Variants in RIC3 observed in about 807,000 individuals in gnomAD.
The protein encoded by RIC3 is protein RIC-3.
In RIC3, 28 loss-of-function variants were observed where a neutral mutation model predicts 27.3. The ratio of observed to expected loss-of-function variants is 1.02; its 90% confidence interval spans 0.76 to 1.41. The LOEUF (loss-of-function observed/expected upper bound fraction) is 1.41, where lower values mean the gene tolerates loss of function less well. Ranked by LOEUF, RIC3 falls within the 40% of genes most tolerant of loss-of-function variation. The pLI, the probability that RIC3 is intolerant of heterozygous loss-of-function variation, is 0.00. For synonymous variants in RIC3, 184 were observed against 160.4 expected (o/e 1.15, Z -1.11); for missense variants, 501 against 444.7 (o/e 1.13, Z -1.14).
At chr11:8,120,067 T>C (rs545500690) in intron 5 of RIC3, among the ~76,000 whole-genome samples, 3 of 152,206 alleles carry the variant, frequency 2.0e-5, no homozygotes, top group East Asian at 1.9e-4. Context: ...TGTGGAGAAA[T>C]AGGAAGGCTT....
intron 2 of RIC3, 108 bp from the exon 3 acceptor site, chr11:8,138,455 G>T: frequency 7.8e-5 from 45 of 574,078 alleles, no homozygotes; most frequent in South Asian, 8.8e-5. Context: ...ATGAAGGTCA[G>T]AAATTAAATC....
downstream of RIC3, chr11:8,103,978 T>C (rs375910387): frequency 6.6e-6 from 1 of 152,218 alleles, no homozygotes. Context: ...CTAGCCTAAG[T>C]GTGGAGAAGG....
chr11:8,136,247 A>G (rs535841842), intron 4 of RIC3, among the ~76,000 whole-genome samples: 12 of 152,340 alleles, frequency 7.9e-5, no homozygotes, highest in African/African-American at 2.9e-4. Context: ...CAGTGAACAA[A>G]GGGCACAGCG....
rs2133911234 is a variant in RIC3 at position 8,139,971 on chromosome 11, A to T, written c.347T>A (p.Phe116Tyr). The T allele has an allele frequency of 6.2e-7, 1 of 1,612,834 alleles. No homozygotes were observed. Reference sequence around the variant, plus strand: ...GATTAGGATGATTCTACTTACCTTAAATAGAATGTACAGTATATATAAAAA... The same window carrying T: ...GATTAGGATGATTCTACTTACCTTATATAGAATGTACAGTATATATAAAAA... The part of the protein sequence containing the change: ...GIFLYILYIL[F>Y]KLSKGKTTAE... The change falls in exon 2 of 6, where the codon TTT (phenylalanine) becomes TAT (tyrosine). Residue 116 changes from phenylalanine (F) to tyrosine (Y), a missense_variant. Physicochemically the swap from Phe to Tyr is conservative, Grantham distance 22. Transcript: ENST00000309737.
At chr11:8,137,828 G>C (rs1948599554) in intron 3 of RIC3, among the ~76,000 whole-genome samples, 1 of 152,150 alleles carries the variant, frequency 6.6e-6, no homozygotes, top group Non-Finnish European at 1.5e-5. Context: ...CTTGAGGAAA[G>C]AGCCATGTTG....
At chr11:8,148,448 T>C (rs975674251) in intron 1 of RIC3, among the ~76,000 whole-genome samples, 2 of 152,242 alleles carry the variant, frequency 1.3e-5, no homozygotes, top group South Asian at 2.1e-4. Context: ...AGGTGGCTAA[T>C]GTTCAATAAA....
In RIC3 at chr11:8,110,635, G is replaced by A. The variant is rs1289356855; in HGVS notation, c.*63C>T. The A allele has an allele frequency of 1.4e-6, 2 of 1,451,536 alleles. No homozygotes were observed. Among genetic ancestry groups the A allele is most frequent in the East Asian group, 2.3e-5 (1 of 44,180 alleles). The allele number at this position is 1,451,536 out of a possible 1,614,324, so 89.9% of individuals were successfully genotyped here. A position where few individuals can be genotyped will look rare whatever the true frequency, so the allele number is the denominator to read the frequency against. On this transcript the variant is annotated 3_prime_UTR_variant, in exon 6 of 6. Transcript: ENST00000309737. The stretch of plus-strand genomic sequence containing the variant: ...AAGTGCAGGGCACAGGGCCAAGAAG[G>A]AAATCTGAGGAGAGAGAGGTCACCT...
intron 1 of RIC3, among the ~76,000 whole-genome samples, chr11:8,151,935 G>C (rs986589598): frequency 3.3e-5 from 5 of 150,526 alleles, no homozygotes; most frequent in East Asian, 2.0e-4. Flanking sequence ...AAAAAAAAGA[G>C]CAAGGGATCT....
intron 1 of RIC3, among the ~76,000 whole-genome samples, chr11:8,156,174 T>G (rs1412457998): frequency 6.6e-6 from 1 of 152,232 alleles, no homozygotes; most frequent in African/African-American, 2.4e-5. Flanking sequence ...CAGAATAATC[T>G]TCCTAAAGCA....
the RIC3 span, among the ~76,000 whole-genome samples, chr11:8,093,153 C>G: frequency 4.0e-4 from 61 of 152,140 alleles, 1 homozygote; most frequent in Admixed American, 2.7e-3. Flanking sequence ...TAGATGACAA[C>G]ACCTGCTCTG....
At chr11:8,144,694 G>A (rs1949478506) in intron 1 of RIC3, among the ~76,000 whole-genome samples, 1 of 152,158 alleles carries the variant, frequency 6.6e-6, no homozygotes, top group Admixed American at 6.5e-5. Flanking sequence ...ATACCCAAAG[G>A]ACTATAAATT....
chr11:8,134,804 G>T (rs550437567), intron 4 of RIC3, among the ~76,000 whole-genome samples: 1 of 152,150 alleles, frequency 6.6e-6, no homozygotes, highest in Non-Finnish European at 1.5e-5. Context: ...CTTTTGAGAA[G>T]TGTCTGTTTA....
At chr11:8,165,623 C>G (rs775857281) in intron 1 of RIC3, among the ~76,000 whole-genome samples, 2 of 150,786 alleles carry the variant, frequency 1.3e-5, no homozygotes, top group Admixed American at 6.6e-5. Flanking sequence ...GATGGTTGTA[C>G]AACTCTGAAT....
chr11:8,098,665 G>C, the RIC3 span: 69 of 912,810 alleles, frequency 7.6e-5, no homozygotes, highest in African/African-American at 9.9e-4. Context: ...AGCCCAGAAT[G>C]TTTTGCAGGC....
chr11:8,166,724 T>G (rs1204491993), intron 1 of RIC3, among the ~76,000 whole-genome samples: 4 of 151,966 alleles, frequency 2.6e-5, no homozygotes, highest in African/African-American at 4.8e-5. Context: ...CAAAAAAAAT[T>G]TTTTTTAATT....
chr11:8,149,243 G>A (rs569059194), intron 1 of RIC3, among the ~76,000 whole-genome samples: 1 of 151,058 alleles, frequency 6.6e-6, no homozygotes, highest in South Asian at 2.1e-4. Flanking sequence ...AAAAACAGGA[G>A]GCAAATGGAG....
chr11:8,159,290 G>A (rs1695994518), intron 1 of RIC3, among the ~76,000 whole-genome samples: 1 of 152,124 alleles, frequency 6.6e-6, no homozygotes, highest in African/African-American at 2.4e-5. Flanking sequence ...GAACATGCTT[G>A]GCATATTCAA....
intron 1 of RIC3, among the ~76,000 whole-genome samples, chr11:8,152,191 T>C (rs1950302436): frequency 1.3e-5 from 2 of 152,134 alleles, no homozygotes; most frequent in South Asian, 4.1e-4. Flanking sequence ...AGTCTGGCAG[T>C]TTCTCAAAAG....
chr11:8,148,669 C>A (rs1008997531), intron 1 of RIC3, among the ~76,000 whole-genome samples: 2 of 119,108 alleles, frequency 1.7e-5, no homozygotes, highest in African/African-American at 8.1e-5. Flanking sequence ...ATTTTAGGAT[C>A]CTATTATGTT....
Sources: gnomAD v4.1 joint callset for allele counts (sites outside exome capture counted in the v4.1 genomes callset) on GRCh38, gnomAD v4.1.1 for gene constraint, MANE v1.5 for transcripts, NCBI Gene and HGNC (gene_info 2026-07-23, HGNC 2026-07-21) for gene names.